Variants in EXTL3 observed in about 807,000 individuals in gnomAD.
The protein encoded by EXTL3 is exostosin like glycosyltransferase 3.
EXTL3 carries 27 observed loss-of-function variants against 69.3 expected under a neutral mutation model. The ratio of observed to expected loss-of-function variants is 0.39; its 90% CI spans 0.29 to 0.54. EXTL3 has a LOEUF of 0.54. Ranked by LOEUF, EXTL3 falls within the 20% of genes least tolerant of loss-of-function variation. EXTL3 has a pLI of 0.69. For synonymous variants in EXTL3, 511 were observed against 499.4 expected (o/e 1.02, Z -0.31); for missense variants, 1,003 against 1,231.8 (o/e 0.81, Z 2.78).
intron 1 of EXTL3, among the ~76,000 whole-genome samples, chr8:28,705,678 T>G (rs1029939781): frequency 1.3e-5 from 2 of 152,162 alleles, no homozygotes; most frequent in Non-Finnish European, 2.9e-5. Context: ...CTCCACAGCA[T>G]AAAATAAAAA....
At chr8:28,668,324 CTTTTTTTTTTTTTT>C (rs71549687) in intron 1 of EXTL3, among the ~76,000 whole-genome samples, 9 of 82,556 alleles carry the variant, frequency 1.1e-4, no homozygotes, top group African/African-American at 3.7e-4. Context: ...AGAGTTGTTA[CTTTTTTTTTTTTTT>C]TTTTTTTTTT....
At chr8:28,714,777 G>A (rs1382288053) in intron 2 of EXTL3, among the ~76,000 whole-genome samples, 1 of 152,214 alleles carries the variant, frequency 6.6e-6, no homozygotes, top group Admixed American at 6.5e-5. Flanking sequence ...GGACTGAGTC[G>A]CTACAAGCGT....
At chr8:28,654,488 C>T (rs1806974501) in intron 1 of EXTL3, among the ~76,000 whole-genome samples, 1 of 151,948 alleles carries the variant, frequency 6.6e-6, no homozygotes, top group Non-Finnish European at 1.5e-5. Context: ...AAGCAATTCT[C>T]CTACCTTGGC....
At chr8:28,672,417 C>T (rs972522275) in intron 1 of EXTL3, among the ~76,000 whole-genome samples, 3 of 1,880 alleles carry the variant, frequency 1.6e-3, no homozygotes, top group African/African-American at 9.2e-3. Flanking sequence ...GACTCCTTCT[C>T]GGGGTGGGGG....
At chr8:28,667,278 T>C (rs1343168744) in intron 1 of EXTL3, among the ~76,000 whole-genome samples, 1 of 152,140 alleles carries the variant, frequency 6.6e-6, no homozygotes, top group Admixed American at 6.6e-5. Context: ...GGAAAAGTAA[T>C]GCAAGGAACT....
rs369743761 is a variant in EXTL3, at chr8:28,717,726, G to A, written c.1667G>A (p.Arg556His). 174 of 1,614,250 alleles carry A rather than the reference G, an allele frequency of 1.1e-4. No homozygotes were observed. The highest frequency in any genetic ancestry group is 1.5e-4 in the African/African-American group (11 of 75,064). Reference sequence around the variant, plus strand: ...GAGGCGGCAGCTGAGATCCCCCACCGTTCAGGCAAGGCGGCTGGAACTGAC... The same window carrying A: ...GAGGCGGCAGCTGAGATCCCCCACCATTCAGGCAAGGCGGCTGGAACTGAC... ...REEAAAEIPH[R>H]SGKAAGTDPN... The change falls in exon 3 of 7, where the codon CGT becomes CAT. Residue 556 changes from arginine to histidine, a missense_variant. Around this residue, in one of 2 missense-constraint regions of EXTL3, gnomAD observed 742 missense variants for 815.4 expected, o/e 0.91. Coordinates refer to ENST00000220562, the MANE Select transcript of EXTL3 (RefSeq NM_001440.4). This position sits in a 1 kb window ranked among gnomAD's most constrained non-coding sequence, Gnocchi z 8.3.
At chr8:28,629,975 T>C (rs902132988) in intron 1 of EXTL3, among the ~76,000 whole-genome samples, 1 of 152,200 alleles carries the variant, frequency 6.6e-6, no homozygotes, top group African/African-American at 2.4e-5. Context: ...ATCCCAATCT[T>C]GTGGCCTCTA....
chr8:28,691,572 A>ATTTT (rs71222571), intron 1 of EXTL3, among the ~76,000 whole-genome samples: 7 of 135,488 alleles, frequency 5.2e-5, no homozygotes, highest in South Asian at 2.2e-4. Context: ...AGTTTTTGTG[A>ATTTT]TTTTTTTTTT....
rs138487338 is a variant in EXTL3, at chr8:28,673,597, T to A, written c.-52-39860T>A. ...GGTCTCTGGCTTACAGAAAGGCTGGTCATGGGACTTACTATCCATAATCGT... is the reference window on the plus strand; with the variant it reads ...GGTCTCTGGCTTACAGAAAGGCTGGACATGGGACTTACTATCCATAATCGT... On this transcript the variant is annotated intron_variant, in intron 1 of 6. Transcript: ENST00000523149. Among the ~76,000 whole-genome samples the A allele has an allele frequency of 2.0e-3, 304 of 152,162 alleles. 2 individuals carry two copies. The highest frequency in any genetic ancestry group is 6.4e-3 in the African/African-American group (267 of 41,546).
At chr8:28,742,605 A>ATCTC in intron 5 of EXTL3, 2 of 208,510 alleles carry the variant, frequency 9.6e-6, no homozygotes, top group South Asian at 8.2e-5. Context: ...GGGAGTAGCC[A>ATCTC]GGGCCGATGG....
intron 1 of EXTL3, among the ~76,000 whole-genome samples, chr8:28,655,743 C>T (rs1361186103): frequency 6.6e-6 from 1 of 152,160 alleles, no homozygotes; most frequent in African/African-American, 2.4e-5. Context: ...ATCCACCAGC[C>T]TCGGCCTCCC....
At chr8:28,610,579 C>A (rs1209931596) in intron 2 of EXTL3, among the ~76,000 whole-genome samples, 2 of 152,220 alleles carry the variant, frequency 1.3e-5, no homozygotes, top group South Asian at 2.1e-4. Flanking sequence ...AGTTATCGGG[C>A]GCTTTCATGT....
At chr8:28,667,865 A>C (rs12675803) in intron 1 of EXTL3, among the ~76,000 whole-genome samples, 11,570 of 152,178 alleles carry the variant, frequency 0.076, 699 homozygotes, top group East Asian at 0.26. Context: ...GTATAAAAAA[A>C]AAAAAAAGAA....
At chr8:28,702,812 C>T (rs116195914) in intron 1 of EXTL3, among the ~76,000 whole-genome samples, 2,348 of 152,162 alleles carry the variant, frequency 0.015, 57 homozygotes, top group African/African-American at 0.054. Context: ...CAGAGCTCCC[C>T]GTGCTTTCTT....
intron 1 of EXTL3, among the ~76,000 whole-genome samples, chr8:28,648,601 A>G (rs1027534209): frequency 3.3e-5 from 5 of 152,048 alleles, no homozygotes; most frequent in African/African-American, 9.7e-5. Flanking sequence ...CCCACTATGC[A>G]CCACTTCCAA....
intron 1 of EXTL3, among the ~76,000 whole-genome samples, chr8:28,668,747 C>T (rs1352609350): frequency 6.7e-6 from 1 of 148,586 alleles, no homozygotes; most frequent in Non-Finnish European, 1.5e-5. Context: ...CCAGCATCAG[C>T]CCCAACATAC....
chr8:28,702,448 C>G (rs1391578085), intron 1 of EXTL3, among the ~76,000 whole-genome samples: 4 of 152,226 alleles, frequency 2.6e-5, no homozygotes, highest in South Asian at 2.1e-4. Context: ...TGCCCGGCTG[C>G]TGATGGGTGC....
intron 5 of EXTL3, among the ~76,000 whole-genome samples, chr8:28,739,071 T>C (rs1487094101): frequency 6.6e-6 from 1 of 152,224 alleles, no homozygotes; most frequent in Non-Finnish European, 1.5e-5. Flanking sequence ...TTGAGGCTTT[T>C]CTTAGCATCT....
Position 28,750,322 on chromosome 8 carries a change from T to C in EXTL3, c.2551-335T>C, listed in dbSNP as rs182455106. The stretch of plus-strand genomic sequence containing the variant: ...TCTTCAATATTTTGATTCAAAACAT[T>C]GATGAAACAAACAACTCGGTACCTA... On this transcript the variant is annotated intron_variant, in intron 6 of 6. Transcript: ENST00000220562. The surrounding 1 kb of genome is among the most constrained non-coding windows in gnomAD (Gnocchi z 5.2). Among the ~76,000 whole-genome samples the C allele has an allele frequency of 1.6e-3, 248 of 152,168 alleles. No homozygotes were observed. Among genetic ancestry groups the C allele is most frequent in the Non-Finnish European group, 2.3e-3 (154 of 67,950 alleles).
Sources: gnomAD v4.1 joint callset for allele counts (sites outside exome capture counted in the v4.1 genomes callset) on GRCh38, gnomAD v4.1.1 for gene constraint, gnomAD v4.1.1 regional missense constraint, Gnocchi (gnomAD v3.1) non-coding constraint, MANE v1.5 for transcripts, NCBI Gene and HGNC (gene_info 2026-07-23, HGNC 2026-07-21) for gene names.